The following NPLOC4 variants were observed in gnomAD, a reference collection of about 807,000 sequenced individuals.
The protein encoded by NPLOC4 is nuclear protein localization protein 4 homolog.
Under a neutral mutation model 80.6 loss-of-function variants are expected in NPLOC4, and 18 were observed. The ratio of observed to expected loss-of-function variants is 0.22; its 90% confidence interval spans 0.15 to 0.33. The LOEUF (loss-of-function observed/expected upper bound fraction) is 0.33, where lower values mean the gene tolerates loss of function less well. Among genes scored for constraint, NPLOC4 ranks in the 10% least tolerant of loss-of-function variants. The pLI is 1.00. For missense variants in NPLOC4, 540 were observed against 786.1 expected (o/e 0.69, Z 3.74); for synonymous variants, 313 against 301.5 (o/e 1.04, Z -0.39).
rs1474845554 is a variant in NPLOC4, at chr17:81,577,098, T to C, written c.1282-5010A>G. On this transcript the variant is annotated intron_variant, in intron 12 of 16. Transcript: ENST00000331134. This position sits in a 1 kb window ranked among gnomAD's most constrained non-coding sequence, Gnocchi z 4.3. ...ACCCCACGGCCTGCTGAGTAAGCAA[T>C]GCCTGGCCACAGCAAGGGGCAGTGG... Among the ~76,000 whole-genome samples, 1 of 152,142 alleles carries C rather than the reference T, an allele frequency of 6.6e-6. No individual in the cohort carries two copies. The highest frequency in any genetic ancestry group is 2.4e-5 in the African/African-American group (1 of 41,432).
At chr17:81,609,393 C>T (rs1306081015) in intron 5 of NPLOC4, among the ~76,000 whole-genome samples, 3 of 152,188 alleles carry the variant, frequency 2.0e-5, no homozygotes, top group African/African-American at 7.2e-5. Flanking sequence ...TGGCTCACTG[C>T]AGCCTCGACC....
chr17:81,598,275 C>A (rs2034974352), intron 9 of NPLOC4, among the ~76,000 whole-genome samples: 1 of 152,104 alleles, frequency 6.6e-6, no homozygotes, highest in African/African-American at 2.4e-5. Context: ...TCAGTAGAAA[C>A]TGGCCACCCT....
chr17:81,618,133 A>G (rs1272300861), intron 3 of NPLOC4, among the ~76,000 whole-genome samples: 16 of 139,756 alleles, frequency 1.1e-4, no homozygotes, highest in Admixed American at 9.9e-4. Context: ...CTGGGATGTG[A>G]CGAGCCCCTC....
At chr17:81,599,338 T>G (rs910727893) in intron 9 of NPLOC4, among the ~76,000 whole-genome samples, 6 of 151,836 alleles carry the variant, frequency 4.0e-5, no homozygotes, top group African/African-American at 1.5e-4. Flanking sequence ...TTGCAGAAAA[T>G]TATTTAAGTA....
At chr17:81,596,735 A>T (rs560893182) in intron 10 of NPLOC4, among the ~76,000 whole-genome samples, 2 of 152,342 alleles carry the variant, frequency 1.3e-5, no homozygotes, top group Non-Finnish European at 2.9e-5. Flanking sequence ...CCTGAAAATC[A>T]CTGCTTTATA....
intron 10 of NPLOC4, 147 bp downstream of exon 10, chr17:81,597,098 G>C: frequency 5.1e-6 from 3 of 592,806 alleles, no homozygotes; most frequent in Non-Finnish European, 8.9e-6. Flanking sequence ...GGGCAAAAGA[G>C]CAAGACTCCG....
intron 12 of NPLOC4, among the ~76,000 whole-genome samples, chr17:81,586,050 T>G (rs1375717927): frequency 6.6e-6 from 1 of 151,994 alleles, no homozygotes; most frequent in African/African-American, 2.4e-5. Flanking sequence ...TCTGTGAGGC[T>G]GAGGTGGGTA....
At chr17:81,620,887 GA>G (rs2035645316) in intron 3 of NPLOC4, among the ~76,000 whole-genome samples, 1 of 151,862 alleles carries the variant, frequency 6.6e-6, no homozygotes, top group African/African-American at 2.4e-5. Flanking sequence ...ATTTAAAAGT[GA>G]AAAATGTGCC....
intron 12 of NPLOC4, among the ~76,000 whole-genome samples, chr17:81,584,170 A>G (rs1157671030): frequency 6.6e-6 from 1 of 152,250 alleles, no homozygotes; most frequent in Non-Finnish European, 1.5e-5. Flanking sequence ...TGGGAGGACT[A>G]AAAGGATGAC....
chr17:81,600,346 G>A lies in NPLOC4; in HGVS notation c.916C>T (p.Arg306Trp), dbSNP rs756273305. The A allele has an allele frequency of 5.0e-6, 8 of 1,609,606 alleles. No homozygotes were observed. Among genetic ancestry groups the A allele is most frequent in the Non-Finnish European group, 6.8e-6 (8 of 1,178,144 alleles). The change falls in exon 9 of 17, where the codon CGG (arginine) becomes TGG (tryptophan). Residue 306 changes from arginine (R) to tryptophan (W), a missense_variant. Arg to Trp is a moderately radical substitution (Grantham distance 101, BLOSUM62 -3). Around this residue, in one of 6 missense-constraint regions of NPLOC4, gnomAD observed 251 missense variants for 377.5 expected, o/e 0.66. Transcript: ENST00000331134. The stretch of plus-strand genomic sequence containing the variant: ...GCTGCCGGATGCCTCAGTACCTTCC[G>A]CAGGCCAAGTTTGGCAGCAATTTCA... Reference protein sequence around the residue: ...VDEIAAKLGLRKVGWIFTDLV... With the variant: ...VDEIAAKLGLWKVGWIFTDLV...
At chr17:81,586,607 C>CAAAAAAA (rs199678879) in intron 12 of NPLOC4, among the ~76,000 whole-genome samples, 1 of 126,020 alleles carries the variant, frequency 7.9e-6, no homozygotes, top group Non-Finnish European at 1.6e-5. Flanking sequence ...AAAACTGTCT[C>CAAAAAAA]AAAAAAAAAA....
chr17:81,613,127 TA>T (rs56233095), intron 4 of NPLOC4, 190 bp downstream of exon 4: 7,394 of 420,780 alleles, frequency 0.018, 2 homozygotes, highest in Non-Finnish European at 0.021. Context: ...GATAAAAAGC[TA>T]AAAAAAAAAA....
chr17:81,600,248 G>T, intron 9 of NPLOC4, 93 bp downstream of exon 9: 2 of 856,116 alleles, frequency 2.3e-6, no homozygotes, highest in South Asian at 2.9e-5. Context: ...GCCAGTACCC[G>T]ACACAGCCCG....
chr17:81,634,775 G>C (rs1255148242), intron 1 of NPLOC4, among the ~76,000 whole-genome samples: 2 of 151,900 alleles, frequency 1.3e-5, no homozygotes, highest in African/African-American at 2.4e-5. Flanking sequence ...AGTAGAGACA[G>C]GGTTTCACCA....
chr17:81,560,794 T>C (rs2033826622), intron 16 of NPLOC4: 2 of 152,226 alleles, frequency 1.3e-5, no homozygotes, highest in African/African-American at 4.8e-5. Context: ...GACACAGTTC[T>C]CGCGAGGGTG....
At chr17:81,623,108 C>A (rs1364019759) in intron 2 of NPLOC4, among the ~76,000 whole-genome samples, 1 of 147,046 alleles carries the variant, frequency 6.8e-6, no homozygotes. Flanking sequence ...GCAGGAGAAT[C>A]ACTTGAAGCT....
Position 81,604,536 on chromosome 17 carries a change from C to CAT in NPLOC4, c.834+11_834+12insAT. On this transcript the variant is annotated intron_variant, in intron 8 of 16. Coordinates refer to ENST00000331134, the MANE Select transcript of NPLOC4 (RefSeq NM_017921.4). ...CACAGAAACTCAGGAACTTGAATCC[C>CAT]GTCATGTTTACCTGAGGTGGCTCAT... 2 of 1,608,418 alleles carry CAT rather than the reference C, an allele frequency of 1.2e-6. No homozygotes were observed. The highest frequency in any genetic ancestry group is 1.7e-6 in the Non-Finnish European group (2 of 1,177,606).
intron 16 of NPLOC4, chr17:81,565,259 T>A: frequency 2.9e-6 from 2 of 683,938 alleles, no homozygotes; most frequent in Non-Finnish European, 5.4e-6. Flanking sequence ...GATGTACAGG[T>A]TTATAAAATT....
Position 81,636,964 on chromosome 17 carries a change from G to GGCC in NPLOC4, c.-37_-35dup, listed in dbSNP as rs1046909927. ...CTCCTGCCTCCGGGCTCGAGCCCCGGGCCGCCGCCGCCTGCCGCCCCAAGG... is the reference window on the plus strand; with the variant it reads ...CTCCTGCCTCCGGGCTCGAGCCCCGGGCCGCCGCCGCCGCCTGCCGCCCCAAGG... On this transcript the variant is annotated 5_prime_UTR_variant, in exon 1 of 17. Coordinates refer to ENST00000331134, the MANE Select transcript of NPLOC4 (RefSeq NM_017921.4). 10 of 1,261,138 alleles carry GGCC rather than the reference G, an allele frequency of 7.9e-6. No individual in the cohort carries two copies. In the African/African-American group the frequency reaches 1.4e-4, roughly 18 times the overall value. The allele number at this position is 1,261,138 out of a possible 1,614,324, so 78.1% of individuals were successfully genotyped here. A position where few individuals can be genotyped will look rare whatever the true frequency, so the allele number is the denominator to read the frequency against.
Sources: gnomAD v4.1 joint callset for allele counts (sites outside exome capture counted in the v4.1 genomes callset) on GRCh38, gnomAD v4.1.1 for gene constraint, gnomAD v4.1.1 regional missense constraint, Gnocchi (gnomAD v3.1) non-coding constraint, MANE v1.5 for transcripts, NCBI Gene and HGNC (gene_info 2026-07-23, HGNC 2026-07-21) for gene names.